Variants in ZBED4 observed in about 807,000 individuals in gnomAD.
ZBED4 encodes the protein zinc finger BED-type containing 4.
ZBED4 carries 4 observed loss-of-function variants against 15.5 expected under a neutral mutation model. The ratio of observed to expected loss-of-function variants is 0.26; its 90% CI spans 0.13 to 0.59. ZBED4 has a LOEUF of 0.59. Ranked by LOEUF, ZBED4 falls within the 20% of genes least tolerant of loss-of-function variation. ZBED4 has a pLI of 0.90. For missense variants in ZBED4, 1,323 were observed against 1,461.8 expected (o/e 0.91, Z 1.55); for synonymous variants, 692 against 608.5 (o/e 1.14, Z -2.02).
At chr22:49,881,151 G>C (rs2060407581) in intron 1 of ZBED4, among the ~76,000 whole-genome samples, 1 of 152,084 alleles carries the variant, frequency 6.6e-6, no homozygotes, top group African/African-American at 2.4e-5. Context: ...TTCAAGACCA[G>C]CCTGGCCAAC....
At chr22:49,877,258 ATTATTTATTTAT>A (rs200275015) in intron 1 of ZBED4, among the ~76,000 whole-genome samples, 106,258 of 144,546 alleles carry the variant, frequency 0.74, 39,607 homozygotes, top group East Asian at 0.88. Flanking sequence ...AAACAGCTTT[ATTATTTATTTAT>A]TTATTTATTT....
At chr22:49,858,010 C>T (rs1407877455) in intron 1 of ZBED4, among the ~76,000 whole-genome samples, 2 of 152,100 alleles carry the variant, frequency 1.3e-5, no homozygotes, top group African/African-American at 4.8e-5. Flanking sequence ...GATCCGTCCA[C>T]CTTGGCCTCC....
rs1251203519 is a variant in ZBED4 at position 49,887,601 on chromosome 22, A to T, written c.*423A>T. The T allele has an allele frequency of 5.7e-6, 1 of 174,470 alleles. No homozygotes were observed. The highest frequency in any genetic ancestry group is 2.4e-5 in the African/African-American group (1 of 41,572). The allele number at this position is 174,470 out of a possible 1,614,324, so 10.8% of individuals were successfully genotyped here. On this transcript the variant is annotated 3_prime_UTR_variant, in exon 2 of 2. Transcript: ENST00000216268. ...AGCATTGCTTTAATTGCAACAGAAT[A>T]GCTTTTGTGGCTATCAAATGAAATC...
At chr22:49,880,748 C>A (rs1168869034) in intron 1 of ZBED4, among the ~76,000 whole-genome samples, 1 of 152,172 alleles carries the variant, frequency 6.6e-6, no homozygotes, top group African/African-American at 2.4e-5. Flanking sequence ...TTTTAGACTT[C>A]TGTTTATCAG....
At chr22:49,863,367 G>A (rs1417419776) in intron 1 of ZBED4, among the ~76,000 whole-genome samples, 5 of 152,154 alleles carry the variant, frequency 3.3e-5, no homozygotes, top group Non-Finnish European at 5.9e-5. Flanking sequence ...GGTGGCTCAC[G>A]CCTGTAATCC....
chr22:49,864,470 A>T (rs2060310937), intron 1 of ZBED4, among the ~76,000 whole-genome samples: 1 of 152,160 alleles, frequency 6.6e-6, no homozygotes. Flanking sequence ...ATGCTTCGCA[A>T]CTCAGGACAC....
intron 1 of ZBED4, among the ~76,000 whole-genome samples, chr22:49,866,902 C>T (rs753307030): frequency 6.6e-6 from 1 of 152,180 alleles, no homozygotes; most frequent in Non-Finnish European, 1.5e-5. Context: ...GGCAAATGCA[C>T]GTTCTTACCT....
At chr22:49,869,210 A>G (rs887610663) in intron 1 of ZBED4, among the ~76,000 whole-genome samples, 1 of 151,936 alleles carries the variant, frequency 6.6e-6, no homozygotes. Context: ...TGGCGGTGTC[A>G]GTGTGAAGTT....
At position 49,884,284 on chromosome 22, in the gene ZBED4, C is replaced by G; in HGVS notation, c.622C>G (p.Leu208Val). The stretch of plus-strand genomic sequence containing the variant: ...CAGCACCATCCTCTCACCCATCAAA[C>G]TTGTCCAGAAAGTGGCGTCTAAGAT... ...DLSTILSPIK[L>V]VQKVASKIPS... is the part of the protein sequence containing the mutation. Residue 208 changes from leucine to valine, a missense_variant, in exon 2 of 2, where the codon CTT becomes GTT. This residue lies in a region of ZBED4 where 380 missense variants were observed against 413.7 expected (regional missense o/e 0.92). Coordinates refer to ENST00000216268, the MANE Select transcript of ZBED4 (RefSeq NM_014838.3). 6.2e-7 allele frequency: 1 copy of G among 1,612,558 alleles called. No homozygotes were observed. The highest frequency in any genetic ancestry group is 8.5e-7 in the Non-Finnish European group (1 of 1,179,140).
chr22:49,861,059 A>G (rs1361607732), intron 1 of ZBED4, among the ~76,000 whole-genome samples: 1 of 152,066 alleles, frequency 6.6e-6, no homozygotes, highest in Non-Finnish European at 1.5e-5. Context: ...AATGGGCATG[A>G]GCCACCATGC....
At chr22:49,859,489 T>C (rs5770721) in intron 1 of ZBED4, among the ~76,000 whole-genome samples, 139,645 of 152,076 alleles carry the variant, frequency 0.92, 64,198 homozygotes, top group African/African-American at 0.97. Context: ...TCTGGCCCAG[T>C]GTCCCAGGCT....
At chr22:49,874,979 G>A (rs530254471) in intron 1 of ZBED4, among the ~76,000 whole-genome samples, 10 of 152,060 alleles carry the variant, frequency 6.6e-5, no homozygotes, top group Admixed American at 4.6e-4. Context: ...CACTGCACCC[G>A]GCCTGTTTTA....
At position 49,883,590 on chromosome 22, in the gene ZBED4, TC is replaced by T. The variant is rs751099910; in HGVS notation, c.-72del. The T allele has an allele frequency of 8.3e-5, 120 of 1,446,074 alleles. No individual in the cohort carries two copies. The highest frequency in any genetic ancestry group is 1.0e-4 in the Non-Finnish European group (110 of 1,097,974). 89.6% of individuals were successfully genotyped at this position (1,446,074 alleles called of 1,614,324 possible). On this transcript the variant is annotated 5_prime_UTR_variant, in exon 2 of 2. Transcript: ENST00000216268. ...ACGAAAAAGTGAAGATAATCTACAT[TC>T]GGGGGCACAAATGAGCACTTGGATC...
At chr22:49,853,534 C>CA (rs1339635971), upstream of ZBED4, among the ~76,000 whole-genome samples, 1 of 152,206 alleles carries the variant, frequency 6.6e-6, no homozygotes, top group Non-Finnish European at 1.5e-5. Flanking sequence ...GGGACGAAAC[C>CA]AAGGCGCCCG....
chr22:49,855,380 A>G (rs1471762116), intron 1 of ZBED4, among the ~76,000 whole-genome samples: 1 of 152,172 alleles, frequency 6.6e-6, no homozygotes, highest in African/African-American at 2.4e-5. Flanking sequence ...ATTCCTGAAT[A>G]AGGTGGTTGA....
intron 1 of ZBED4, among the ~76,000 whole-genome samples, chr22:49,860,857 C>T (rs1381566155): frequency 6.6e-6 from 1 of 151,366 alleles, no homozygotes; most frequent in Non-Finnish European, 1.5e-5. Flanking sequence ...TGGCTCACTG[C>T]ATCCTCGGCC....
intron 1 of ZBED4, among the ~76,000 whole-genome samples, chr22:49,873,117 C>T (rs1211406675): frequency 1.3e-5 from 2 of 152,224 alleles, no homozygotes; most frequent in Non-Finnish European, 2.9e-5. Flanking sequence ...AGACATGAGC[C>T]ACTACAGCCA....
At chr22:49,882,288 G>A (rs963364676) in intron 1 of ZBED4, among the ~76,000 whole-genome samples, 13 of 152,196 alleles carry the variant, frequency 8.5e-5, no homozygotes, top group South Asian at 4.1e-4. Context: ...GCATTGGCTC[G>A]CGCATATAAC....
chr22:49,879,170 A>C (rs1451941599), intron 1 of ZBED4, among the ~76,000 whole-genome samples: 3 of 149,888 alleles, frequency 2.0e-5, no homozygotes, highest in East Asian at 2.0e-4. Flanking sequence ...ACAAAAAAAA[A>C]CAGGAGTGAA....
Sources: gnomAD v4.1 joint callset for allele counts (sites outside exome capture counted in the v4.1 genomes callset) on GRCh38, gnomAD v4.1.1 for gene constraint, gnomAD v4.1.1 regional missense constraint, MANE v1.5 for transcripts, NCBI Gene and HGNC (gene_info 2026-07-23, HGNC 2026-07-21) for gene names.